KIF20B: variants seen among roughly 807,000 people sequenced by gnomAD.
The protein encoded by KIF20B is kinesin-like protein KIF20B.
In KIF20B, 188 loss-of-function variants were observed where a neutral mutation model predicts 232.5. The ratio of observed to expected loss-of-function variants is 0.81; its 90% confidence interval spans 0.72 to 0.91. The LOEUF (loss-of-function observed/expected upper bound fraction) is 0.91, where lower values mean the gene tolerates loss of function less well. Among genes scored for constraint, KIF20B ranks in the 40% least tolerant of loss-of-function variants. The pLI is 0.00. For missense variants in KIF20B, 2,154 were observed against 2,055.9 expected (o/e 1.05, Z -0.92); for synonymous variants, 712 against 683.0 (o/e 1.04, Z -0.66).
At chr10:89,753,640 G>A (rs1022717607) in intron 25 of KIF20B, among the ~76,000 whole-genome samples, 9 of 151,920 alleles carry the variant, frequency 5.9e-5, no homozygotes, top group Non-Finnish European at 2.9e-5. Flanking sequence ...TCGTTTTTTT[G>A]AGACGGAATC....
In KIF20B at chr10:89,718,860, C is replaced by T. The variant is rs1227777050; in HGVS notation, c.1422C>T (p.Ala474=). ...DETLNVLKFS[A]IAQKVCVPDT... ...CACTCAATGTATTGAAGTTCTCCGC[C>T]ATTGCACAAAAAGTAAATATTTATT... The change falls in exon 12 of 33, where the codon GCC becomes GCT. Residue 474 remains alanine (A), a synonymous_variant. Transcript: ENST00000371728. 2 of 1,542,492 alleles carry T rather than the reference C, an allele frequency of 1.3e-6. No homozygotes were observed. The highest frequency in any genetic ancestry group is 1.7e-6 in the Non-Finnish European group (2 of 1,146,452).
At chr10:89,767,982 C>T (rs1392288907) in intron 29 of KIF20B, among the ~76,000 whole-genome samples, 2 of 151,944 alleles carry the variant, frequency 1.3e-5, no homozygotes, top group African/African-American at 4.8e-5. Flanking sequence ...TTTCTCAACT[C>T]CAGCACAGTT....
chr10:89,715,303 G>A (rs893189376), intron 8 of KIF20B, 121 bp downstream of exon 8: 1 of 662,482 alleles, frequency 1.5e-6, no homozygotes, highest in Non-Finnish European at 2.6e-6. Flanking sequence ...AACATTAAGA[G>A]AAGAAGATAA....
At chr10:89,770,564 G>T (rs146580049) in intron 31 of KIF20B, among the ~76,000 whole-genome samples, 1 of 151,526 alleles carries the variant, frequency 6.6e-6, no homozygotes, top group Non-Finnish European at 1.5e-5. Context: ...TCATTGACTT[G>T]GTTCCTTAAC....
intron 11 of KIF20B, 59 bp downstream of exon 11, chr10:89,717,781 CT>C: frequency 7.0e-6 from 9 of 1,285,506 alleles, no homozygotes; most frequent in Middle Eastern, 2.7e-4. Flanking sequence ...AAACTTTCAA[CT>C]TTTTTGTTTT....
chr10:89,709,934 G>A lies in KIF20B; in HGVS notation c.359G>A (p.Gly120Asp). The A allele has an allele frequency of 6.4e-7, 1 of 1,569,444 alleles. No individual in the cohort carries two copies. The highest frequency in any genetic ancestry group is 8.6e-7 in the Non-Finnish European group (1 of 1,163,432). ...TAAAAAATGTTTGCTTAGGTTTTTG[G>A]CCCAGCAACTACACAGAAGGAATTC... ...AQKFSFSKVFGPATTQKEFFQ... is the reference protein window; with the variant it reads ...AQKFSFSKVFDPATTQKEFFQ... The change falls in exon 5 of 33, where the codon GGC becomes GAC. Residue 120 changes from glycine (G) to aspartate (D), a missense_variant. Physicochemically the swap from Gly to Asp is moderately conservative, Grantham distance 94. Transcript: ENST00000371728.
intron 6 of KIF20B, among the ~76,000 whole-genome samples, chr10:89,711,953 A>G (rs2133087331): frequency 6.6e-6 from 1 of 152,286 alleles, no homozygotes; most frequent in South Asian, 2.1e-4. Context: ...TCCCAAACTC[A>G]GGCCAAGATT....
intron 6 of KIF20B, among the ~76,000 whole-genome samples, chr10:89,712,341 A>C (rs575521797): frequency 4.2e-4 from 63 of 150,808 alleles, no homozygotes; most frequent in Non-Finnish European, 8.4e-4. Context: ...GCTGTCTTGA[A>C]CTCCTGGGCA....
intron 8 of KIF20B, among the ~76,000 whole-genome samples, chr10:89,716,209 T>C (rs1003811138): frequency 2.6e-5 from 4 of 152,180 alleles, no homozygotes; most frequent in Non-Finnish European, 5.9e-5. Context: ...TTTGGCAGAC[T>C]CTGTTGACAA....
rs771604669 is a variant in KIF20B at position 89,758,930 on chromosome 10, CTTAA to C, written c.4680+51_4680+54del. The C allele has an allele frequency of 6.2e-6, 7 of 1,132,970 alleles. No homozygotes were observed. The African/African-American group carries it at 9.6e-5, about 16-fold the overall frequency. 70.2% of individuals were successfully genotyped at this position (1,132,970 alleles called of 1,614,324 possible). A position where few individuals can be genotyped will look rare whatever the true frequency, so the allele number is the denominator to read the frequency against. On this transcript the variant is annotated intron_variant, in intron 27 of 32. Transcript: ENST00000371728. ...CCTTTTTAATTGAACATAGTAATTA[CTTAA>C]TTGACTAACTCTTAAAGAATAAAAA...
chr10:89,721,137 G>A (rs761236502), intron 13 of KIF20B, among the ~76,000 whole-genome samples: 2 of 152,158 alleles, frequency 1.3e-5, no homozygotes, highest in African/African-American at 2.4e-5. Context: ...ACACATCACA[G>A]TACTCTTCTG....
At chr10:89,735,525 TAGTA>T (rs919430606) in intron 19 of KIF20B, among the ~76,000 whole-genome samples, 29 of 148,690 alleles carry the variant, frequency 2.0e-4, no homozygotes, top group African/African-American at 6.2e-4. Context: ...CAATGGAAAG[TAGTA>T]AGTGTCTTTT....
intron 24 of KIF20B, among the ~76,000 whole-genome samples, chr10:89,752,156 G>A (rs573798292): frequency 1.3e-5 from 2 of 152,106 alleles, no homozygotes; most frequent in Admixed American, 6.5e-5. Context: ...ATAGTACTTT[G>A]TAAACCCTAA....
intron 6 of KIF20B, among the ~76,000 whole-genome samples, chr10:89,713,719 C>T (rs1356541557): frequency 6.6e-6 from 1 of 151,998 alleles, no homozygotes; most frequent in Non-Finnish European, 1.5e-5. Context: ...TTTATATAGC[C>T]ATCAAATGTT....
Position 89,709,265 on chromosome 10 carries a change from A to T in KIF20B, c.234+12A>T, listed in dbSNP as rs1363231493. 1.3e-6 allele frequency: 2 copies of T among 1,596,594 alleles called. No individual in the cohort carries two copies. Among genetic ancestry groups the T allele is most frequent in the Admixed American group, 1.7e-5 (1 of 58,520 alleles). ...AACTTGAGTCTGAGGTTTGTGTTGAATTTAATAGAATTTTAATATTTTACT... is the reference window on the plus strand; with the variant it reads ...AACTTGAGTCTGAGGTTTGTGTTGATTTTAATAGAATTTTAATATTTTACT... On this transcript the variant is annotated intron_variant, in intron 3 of 32. Coordinates refer to ENST00000371728, the MANE Select transcript of KIF20B (RefSeq NM_001284259.2).
Position 89,727,873 on chromosome 10 carries a change from C to A in KIF20B, c.2248C>A (p.Gln750Lys). The change falls in exon 17 of 33, where the codon CAA becomes AAA. Residue 750 changes from glutamine to lysine, a missense_variant. Physicochemically the swap from Gln to Lys is moderately conservative, Grantham distance 53 (BLOSUM62 1). Transcript: ENST00000371728. ...TTTTTCAGAATCAGATTCATTGATTCAAGAGCTTGAGACATCTAATAAGGT... is the reference window on the plus strand; with the variant it reads ...TTTTTCAGAATCAGATTCATTGATTAAAGAGCTTGAGACATCTAATAAGGT... ...KRENESDSLIQELETSNKKII... is the reference protein window; with the variant it reads ...KRENESDSLIKELETSNKKII... 1 of 1,556,060 alleles carries A rather than the reference C, an allele frequency of 6.4e-7. No individual in the cohort carries two copies. Among genetic ancestry groups the A allele is most frequent in the Non-Finnish European group, 8.8e-7 (1 of 1,140,370 alleles).
At chr10:89,747,488 A>G (rs934578879) in intron 23 of KIF20B, among the ~76,000 whole-genome samples, 5 of 151,566 alleles carry the variant, frequency 3.3e-5, no homozygotes, top group African/African-American at 1.2e-4. Flanking sequence ...AACCAATCCA[A>G]ATGTCCAACA....
At chr10:89,735,370 T>G (rs1156428485) in intron 19 of KIF20B, among the ~76,000 whole-genome samples, 1 of 151,986 alleles carries the variant, frequency 6.6e-6, no homozygotes, top group Non-Finnish European at 1.5e-5. Flanking sequence ...ATATAGGGAG[T>G]CTGCCATCAA....
At chr10:89,739,154 A>G (rs914912601) in intron 21 of KIF20B, 58 bp downstream of exon 21, 60 of 1,539,020 alleles carry the variant, frequency 3.9e-5, no homozygotes, top group Non-Finnish European at 5.1e-5. Context: ...TTCCTTATAT[A>G]TCAAACTTAG....
Sources: gnomAD v4.1 joint callset for allele counts (sites outside exome capture counted in the v4.1 genomes callset) on GRCh38, gnomAD v4.1.1 for gene constraint, MANE v1.5 for transcripts, NCBI Gene and HGNC (gene_info 2026-07-23, HGNC 2026-07-21) for gene names.